The following COL5A1 variants were observed in gnomAD, a reference collection of about 807,000 sequenced individuals.
COL5A1 encodes the protein collagen type V alpha 1 chain, also known as collagen alpha-1(V) chain.
In COL5A1, 16 loss-of-function variants were observed where a neutral mutation model predicts 263.7. The ratio of observed to expected loss-of-function variants is 0.06; its 90% CI spans 0.04 to 0.09. COL5A1 has a LOEUF of 0.09. Among genes scored for constraint, COL5A1 ranks in the 10% least tolerant of loss-of-function variants. The pLI, the probability that COL5A1 is intolerant of heterozygous loss-of-function variation, is 1.00. For missense variants in COL5A1, 2,036 were observed against 2,540.5 expected (o/e 0.80, Z 4.27); for synonymous variants, 1,012 against 1,004.5 (o/e 1.01, Z -0.14).
rs752893571 is a variant in COL5A1, at chr9:134,820,100, C to G, written c.4447-16C>G. The G allele has an allele frequency of 6.2e-7, 1 of 1,607,518 alleles. No homozygotes were observed. Among genetic ancestry groups the G allele is most frequent in the South Asian group, 1.1e-5 (1 of 90,954 alleles). ...GGCTCCCTCAAATGCCCCTTCCTGT[C>G]TTCATTTTCCCACAGGGTCATCCAG... On this transcript the variant is annotated splice_polypyrimidine_tract_variant and intron_variant, in intron 57 of 65. Coordinates refer to ENST00000371817, the MANE Select transcript of COL5A1 (RefSeq NM_000093.5).
At chr9:134,666,806 T>C (rs540574322) in intron 1 of COL5A1, among the ~76,000 whole-genome samples, 1 of 152,004 alleles carries the variant, frequency 6.6e-6, no homozygotes, top group Non-Finnish European at 1.5e-5. Flanking sequence ...TTTGGGGGAG[T>C]AGACTCTTTG....
Position 134,844,526 on chromosome 9 carries a change from A to G in COL5A1, c.*2223A>G, listed in dbSNP as rs1170456930. On this transcript the variant is annotated 3_prime_UTR_variant, in exon 66 of 66. Coordinates refer to ENST00000371817, the MANE Select transcript of COL5A1 (RefSeq NM_000093.5). ...TCTAGCCACAGTATATTGCAATAAA[A>G]TTACTTCTTATATTTGCAGAAATTC... is the stretch of plus-strand genomic sequence containing the variant. 1.3e-5 allele frequency: 2 copies of G among 152,316 alleles called. No individual in the cohort carries two copies. Among genetic ancestry groups the G allele is most frequent in the Non-Finnish European group, 2.9e-5 (2 of 68,040 alleles). 9.4% of individuals were successfully genotyped at this position (152,316 alleles called of 1,614,324 possible).
rs2132848205 is a variant in COL5A1, at chr9:134,812,667, A to G, written c.3807A>G (p.Gln1269=). The change falls in exon 48 of 66, where the codon CAA becomes CAG. Residue 1269 remains glutamine, a synonymous_variant. Coordinates refer to ENST00000371817, the MANE Select transcript of COL5A1 (RefSeq NM_000093.5). ...GAGCTCCAGGTGCTGATGGCCCACA[A>G]GGTCCCCCAGGTGGAATAGGAAACC... is the stretch of plus-strand genomic sequence containing the variant. The part of the protein sequence containing the change: ...PSGAPGADGP[Q]GPPGGIGNPG... 2 of 1,593,698 alleles carry G rather than the reference A, an allele frequency of 1.3e-6. No homozygotes were observed. Among genetic ancestry groups the G allele is most frequent in the South Asian group, 2.3e-5 (2 of 87,918 alleles).
intron 4 of COL5A1, among the ~76,000 whole-genome samples, chr9:134,722,335 C>T (rs1834493408): frequency 1.3e-5 from 2 of 152,324 alleles, no homozygotes; most frequent in East Asian, 1.9e-4. Context: ...GGCTTTGTCC[C>T]GCTTCGTGGG....
intron 47 of COL5A1, 50 bp downstream of exon 47, chr9:134,812,552 T>C (rs755609909): frequency 6.2e-7 from 1 of 1,612,838 alleles, no homozygotes; most frequent in Admixed American, 1.7e-5. Flanking sequence ...GGCTCATGTT[T>C]TGGGGAAACA....
intron 14 of COL5A1, 84 bp from the exon 15 acceptor site, chr9:134,753,766 G>GGCCCCC: frequency 1.1e-5 from 7 of 615,306 alleles, no homozygotes; most frequent in East Asian, 3.7e-5. Context: ...CCCTCCCCCT[G>GGCCCCC]CCCCTCCCCT....
chr9:134,717,934 T>C (rs1240304687), intron 4 of COL5A1, among the ~76,000 whole-genome samples: 1 of 150,900 alleles, frequency 6.6e-6, no homozygotes, highest in Non-Finnish European at 1.5e-5. Flanking sequence ...AAAGGAGGAG[T>C]GCATGATTAA....
At chr9:134,827,109 G>A (rs774256537) in intron 63 of COL5A1, among the ~76,000 whole-genome samples, 7 of 152,192 alleles carry the variant, frequency 4.6e-5, no homozygotes, top group Admixed American at 1.3e-4. Context: ...TTCTGGGGCC[G>A]CAGCGGTTTG....
chr9:134,701,091 G>A (rs1179080711), intron 3 of COL5A1, 80 bp from the exon 4 acceptor site: 3 of 1,458,404 alleles, frequency 2.1e-6, no homozygotes, highest in African/African-American at 2.8e-5. Context: ...TTCTTCCTGT[G>A]TCTCGAGGAA....
At position 134,679,208 on chromosome 9, in the gene COL5A1, C is replaced by A. The variant is rs77619201; in HGVS notation, c.110-11704C>A. On this transcript the variant is annotated intron_variant, in intron 1 of 65. Coordinates refer to ENST00000371817, the MANE Select transcript of COL5A1 (RefSeq NM_000093.5). ...AGTCTCCGAGGCCCTAACCTACCAC[C>A]CCGCAGTCCCTCCCCGATCTGTCCC... 6.7e-3 allele frequency among the ~76,000 whole-genome samples: 1,015 copies of A among 152,240 alleles called. 10 individuals are homozygous for A. The highest frequency in any genetic ancestry group is 0.019 in the African/African-American group (800 of 41,530).
chr9:134,663,259 C>T (rs1832263561), intron 1 of COL5A1, among the ~76,000 whole-genome samples: 1 of 152,226 alleles, frequency 6.6e-6, no homozygotes, highest in Admixed American at 6.5e-5. Context: ...CACCTGGGCT[C>T]CTCATCCTGG....
Position 134,759,029 on chromosome 9 carries a change from G to A in COL5A1, c.1935+733G>A, listed in dbSNP as rs541734247. ...TGAGGAGGTGTGGTGGGGAAGGCTCGTCCTGGCCGCCTGCCCTGCTTTCTC... is the reference window on the plus strand; with the variant it reads ...TGAGGAGGTGTGGTGGGGAAGGCTCATCCTGGCCGCCTGCCCTGCTTTCTC... On this transcript the variant is annotated intron_variant, in intron 18 of 65. Transcript: ENST00000371817. Among the ~76,000 whole-genome samples the A allele has an allele frequency of 5.3e-5, 8 of 152,220 alleles. No homozygotes were observed. In the South Asian group the frequency reaches 1.2e-3, roughly 24 times the overall value.
Position 134,785,000 on chromosome 9 carries a change from C to G in COL5A1, c.2496C>G (p.Gly832=), listed in dbSNP as rs770803852. 5.0e-6 allele frequency: 8 copies of G among 1,613,144 alleles called. No homozygotes were observed. Among genetic ancestry groups the G allele is most frequent in the Non-Finnish European group, 6.8e-6 (8 of 1,179,876 alleles). The change falls in exon 30 of 66, where the codon GGC becomes GGG. Residue 832 remains glycine, a synonymous_variant. Coordinates refer to ENST00000371817, the MANE Select transcript of COL5A1 (RefSeq NM_000093.5). ...TTTCTGGCTTGCAGGGGGAGATCGGCCCACCCGGTCCCAGGGGAGAAGATG... is the reference window on the plus strand; with the variant it reads ...TTTCTGGCTTGCAGGGGGAGATCGGGCCACCCGGTCCCAGGGGAGAAGATG... ...MGIKGDRGEI[G]PPGPRGEDGP...
At chr9:134,756,453 G>A (rs554015059) in intron 16 of COL5A1, among the ~76,000 whole-genome samples, 1 of 152,330 alleles carries the variant, frequency 6.6e-6, no homozygotes, top group African/African-American at 2.4e-5. Flanking sequence ...CTCCAGCCGG[G>A]TCTCCTCTGC....
chr9:134,790,579 CATCCATCCATCT>C (rs1419844280), intron 32 of COL5A1, among the ~76,000 whole-genome samples: 12 of 95,980 alleles, frequency 1.3e-4, no homozygotes, highest in East Asian at 9.3e-4. Context: ...CCCATCCATC[CATCCATCCATCT>C]ATCCATCCAC....
chr9:134,830,754 C>T (rs1839583000), intron 64 of COL5A1, among the ~76,000 whole-genome samples: 1 of 152,214 alleles, frequency 6.6e-6, no homozygotes, highest in African/African-American at 2.4e-5. Flanking sequence ...AAGGAAACGA[C>T]ATTGGCCTCC....
intron 1 of COL5A1, among the ~76,000 whole-genome samples, chr9:134,645,930 T>C (rs957596903): frequency 6.6e-6 from 1 of 152,072 alleles, no homozygotes; most frequent in Admixed American, 6.6e-5. Context: ...TTCCTTTCTT[T>C]CTCCTTCCCC....
In COL5A1 at chr9:134,750,585, C is replaced by T; in HGVS notation, c.1538C>T (p.Pro513Leu). ...RPGLPGADGL[P>L]GPPGTMLMLP... ...GGCCTTCCTGGGGCCGATGGCCTGC[C>T]CGGTCCTCCAGGAACCATGCTCATG... The change falls in exon 12 of 66, where the codon CCC (proline) becomes CTC (leucine). Residue 513 changes from proline to leucine, a missense_variant. Pro to Leu is a moderately conservative substitution (Grantham distance 98). Around this residue, in one of 3 missense-constraint regions of COL5A1, gnomAD observed 1,078 missense variants for 1,521.4 expected, o/e 0.71. Coordinates refer to ENST00000371817, the MANE Select transcript of COL5A1 (RefSeq NM_000093.5). 1 of 1,613,572 alleles carries T rather than the reference C, an allele frequency of 6.2e-7. No homozygotes were observed. The highest frequency in any genetic ancestry group is 8.5e-7 in the Non-Finnish European group (1 of 1,180,042).
rs975776626 is a variant in COL5A1 at position 134,681,615 on chromosome 9, G to A, written c.110-9297G>A. Among the ~76,000 whole-genome samples, 5 of 152,160 alleles carry A rather than the reference G, an allele frequency of 3.3e-5. No individual in the cohort carries two copies. The highest frequency in any genetic ancestry group is 7.3e-5 in the Non-Finnish European group (5 of 68,036). ...TTGGGACTGGGGTGGACTGGGCACT[G>A]AGGGTGACTCCCTTGCAGCCCCAGC... On this transcript the variant is annotated intron_variant, in intron 1 of 65. Coordinates refer to ENST00000371817, the MANE Select transcript of COL5A1 (RefSeq NM_000093.5). This position sits in a 1 kb window ranked among gnomAD's most constrained non-coding sequence, Gnocchi z 4.3.
Sources: gnomAD v4.1 joint callset for allele counts (sites outside exome capture counted in the v4.1 genomes callset) on GRCh38, gnomAD v4.1.1 for gene constraint, gnomAD v4.1.1 regional missense constraint, Gnocchi (gnomAD v3.1) non-coding constraint, MANE v1.5 for transcripts, NCBI Gene and HGNC (gene_info 2026-07-23, HGNC 2026-07-21) for gene names.